C8orf34: variants seen among roughly 807,000 people sequenced by gnomAD.
C8orf34 encodes the protein uncharacterized protein C8orf34.
Under a neutral mutation model 68.3 loss-of-function variants are expected in C8orf34, and 65 were observed. That is an observed-to-expected ratio of 0.95 (90% CI 0.78 to 1.17). C8orf34 has a LOEUF of 1.17. Ranked by LOEUF, C8orf34 falls within the 50% of genes most tolerant of loss-of-function variation. The pLI, the probability that C8orf34 is intolerant of heterozygous loss-of-function variation, is 0.00. For synonymous variants in C8orf34, 244 were observed against 241.2 expected, an observed-to-expected ratio of 1.01 and a Z score of -0.11; for missense variants, 664 against 655.4, an observed-to-expected ratio of 1.01 and a Z score of -0.14.
At chr8:68,469,798 T>C (rs936176340) in intron 4 of C8orf34, among the ~76,000 whole-genome samples, 2 of 152,032 alleles carry the variant, frequency 1.3e-5, no homozygotes, top group Non-Finnish European at 2.9e-5. Flanking sequence ...ATTTTTATTT[T>C]AGATTGCAGA....
chr8:68,359,174 G>C (rs112587249), intron 1 of C8orf34, among the ~76,000 whole-genome samples: 35 of 152,244 alleles, frequency 2.3e-4, no homozygotes, highest in African/African-American at 8.4e-4. Context: ...TTATTGCTGT[G>C]TAAAGTATGC....
chr8:68,492,864 C>A (rs1490999928), intron 5 of C8orf34, among the ~76,000 whole-genome samples: 1 of 151,564 alleles, frequency 6.6e-6, no homozygotes, highest in East Asian at 2.0e-4. Flanking sequence ...AAGAAGTAGC[C>A]CAGTATTCTG....
At chr8:68,768,021 G>A (rs1823230484) in intron 10 of C8orf34, among the ~76,000 whole-genome samples, 2 of 152,096 alleles carry the variant, frequency 1.3e-5, no homozygotes, top group South Asian at 2.1e-4. Flanking sequence ...TGCTTGATTT[G>A]TCCTTTTTAT....
chr8:68,707,880 C>T (rs1008076748), intron 8 of C8orf34, among the ~76,000 whole-genome samples: 2 of 151,988 alleles, frequency 1.3e-5, no homozygotes, highest in African/African-American at 4.8e-5. Context: ...TAGAATGGTC[C>T]TGGACAAAGA....
intron 10 of C8orf34, among the ~76,000 whole-genome samples, chr8:68,742,190 C>A (rs550803714): frequency 1.5e-4 from 23 of 152,286 alleles, no homozygotes; most frequent in African/African-American, 5.3e-4. Flanking sequence ...TAAGCCATTG[C>A]CTCCTTATGG....
chr8:68,379,137 AAATC>A (rs1161007640), intron 1 of C8orf34, among the ~76,000 whole-genome samples: 2 of 152,250 alleles, frequency 1.3e-5, no homozygotes, highest in African/African-American at 4.8e-5. Flanking sequence ...CTACATATAT[AAATC>A]AATTAATTAC....
At chr8:68,661,155 T>C (rs1819664975) in intron 8 of C8orf34, among the ~76,000 whole-genome samples, 2 of 152,168 alleles carry the variant, frequency 1.3e-5, no homozygotes, top group Admixed American at 6.5e-5. Flanking sequence ...GCTACCAGTG[T>C]GCATTCCCAC....
At chr8:68,510,664 G>A (rs1814228563) in intron 5 of C8orf34, among the ~76,000 whole-genome samples, 2 of 152,266 alleles carry the variant, frequency 1.3e-5, no homozygotes, top group South Asian at 4.1e-4. Context: ...GGACCGAGTT[G>A]TTTGCAAAAT....
intron 12 of C8orf34, among the ~76,000 whole-genome samples, chr8:68,800,852 C>T (rs771548904): frequency 3.3e-5 from 5 of 152,142 alleles, no homozygotes; most frequent in Admixed American, 6.6e-5. Flanking sequence ...CTGCTTTCTA[C>T]GTTCTTCGGC....
chr8:68,728,370 C>T (rs1821890834), intron 10 of C8orf34, among the ~76,000 whole-genome samples: 1 of 152,212 alleles, frequency 6.6e-6, no homozygotes, highest in Non-Finnish European at 1.5e-5. Context: ...TCCAAACTTT[C>T]CCACATTTTC....
At chr8:68,499,699 CT>C (rs1180747523) in intron 5 of C8orf34, among the ~76,000 whole-genome samples, 1 of 152,140 alleles carries the variant, frequency 6.6e-6, no homozygotes, top group Admixed American at 6.5e-5. Context: ...AAAGGAGCAA[CT>C]TTTCACTGGA....
At chr8:68,647,780 C>T (rs189450967) in intron 8 of C8orf34, among the ~76,000 whole-genome samples, 22 of 152,032 alleles carry the variant, frequency 1.4e-4, no homozygotes, top group African/African-American at 1.9e-4. Flanking sequence ...TATCACATGA[C>T]GTTAGAAAAA....
At chr8:68,408,618 C>G (rs1164192863) in intron 1 of C8orf34, among the ~76,000 whole-genome samples, 1 of 152,084 alleles carries the variant, frequency 6.6e-6, no homozygotes, top group African/African-American at 2.4e-5. Flanking sequence ...TTGTCATGCA[C>G]CACATAGTGA....
chr8:68,384,928 G>A (rs1317100779), intron 1 of C8orf34, among the ~76,000 whole-genome samples: 1 of 152,136 alleles, frequency 6.6e-6, no homozygotes, highest in Non-Finnish European at 1.5e-5. Flanking sequence ...TTCTATCAAA[G>A]AGGATTAACT....
At chr8:68,674,392 G>C (rs1820114779) in intron 8 of C8orf34, among the ~76,000 whole-genome samples, 1 of 152,058 alleles carries the variant, frequency 6.6e-6, no homozygotes, top group African/African-American at 2.4e-5. Flanking sequence ...AGAAAACTCA[G>C]TGAAATTCAA....
chr8:68,714,075 T>G (rs1175440472), intron 9 of C8orf34, among the ~76,000 whole-genome samples: 1 of 152,100 alleles, frequency 6.6e-6, no homozygotes, highest in Non-Finnish European at 1.5e-5. Context: ...AAAAAGCATC[T>G]GACAAAATCC....
At chr8:68,580,188 G>A (rs1335405064) in intron 7 of C8orf34, among the ~76,000 whole-genome samples, 8 of 152,020 alleles carry the variant, frequency 5.3e-5, no homozygotes, top group Admixed American at 5.2e-4. Context: ...TGCAGAACAA[G>A]AGCATTTCTC....
intron 7 of C8orf34, among the ~76,000 whole-genome samples, chr8:68,558,565 G>A (rs9692812): frequency 0.19 from 28,270 of 151,626 alleles, 3,110 homozygotes; most frequent in African/African-American, 0.31. Context: ...TATGCTAATA[G>A]GAAAAGGATG....
chr8:68,696,114 G>A lies in C8orf34; in HGVS notation c.1242-12880G>A, dbSNP rs139766531. On this transcript the variant is annotated intron_variant, in intron 8 of 13. Transcript: ENST00000518698. Reference sequence around the variant, plus strand: ...CCAAGAGGTCAGGACTTCAATGAGCGGTGATTGCGCAACTATACTTGAGCC... The same window carrying A: ...CCAAGAGGTCAGGACTTCAATGAGCAGTGATTGCGCAACTATACTTGAGCC... 5.4e-3 allele frequency among the ~76,000 whole-genome samples: 816 copies of A among 151,658 alleles called. 7 individuals carry two copies. Among genetic ancestry groups the A allele is most frequent in the African/African-American group, 0.019 (789 of 41,418 alleles).
Sources: gnomAD v4.1 joint callset for allele counts (sites outside exome capture counted in the v4.1 genomes callset) on GRCh38, gnomAD v4.1.1 for gene constraint, MANE v1.5 for transcripts, NCBI Gene and HGNC (gene_info 2026-07-23, HGNC 2026-07-21) for gene names.